Variants in AGTPBP1 observed in about 807,000 individuals in gnomAD.
AGTPBP1 encodes the protein ATP/GTP binding carboxypeptidase 1, also known as cytosolic carboxypeptidase 1.
Under a neutral mutation model 143.9 loss-of-function variants are expected in AGTPBP1, and 70 were observed. That is an observed-to-expected ratio of 0.49 (90% CI 0.40 to 0.59). The LOEUF (loss-of-function observed/expected upper bound fraction) is 0.59. AGTPBP1 is among the 20% of genes least tolerant of loss of function. AGTPBP1 has a pLI of 0.00. For missense variants in AGTPBP1, 1,229 were observed against 1,464.5 expected (o/e 0.84, Z 2.62); for synonymous variants, 463 against 500.2 (o/e 0.93, Z 0.99).
chr9:85,792,825 T>A, the AGTPBP1 span, among the ~76,000 whole-genome samples: 2 of 152,192 alleles, frequency 1.3e-5, no homozygotes, highest in African/African-American at 4.8e-5. Flanking sequence ...GCATCATATA[T>A]GTTTAAGATT....
chr9:85,573,450 G>T (rs1827660471), intron 25 of AGTPBP1, among the ~76,000 whole-genome samples: 1 of 152,120 alleles, frequency 6.6e-6, no homozygotes, highest in African/African-American at 2.4e-5. Context: ...ATCTCGGCCC[G>T]CTACAACCTC....
chr9:85,699,215 C>G (rs939163595), intron 2 of AGTPBP1, among the ~76,000 whole-genome samples: 1 of 152,060 alleles, frequency 6.6e-6, no homozygotes, highest in African/African-American at 2.4e-5. Flanking sequence ...AACTTCTGGG[C>G]TCAAGCGATC....
At chr9:85,779,504 A>G in the AGTPBP1 span, among the ~76,000 whole-genome samples, 1 of 151,978 alleles carries the variant, frequency 6.6e-6, no homozygotes, top group African/African-American at 2.4e-5. Flanking sequence ...TGCCTGCTTT[A>G]TATTCACTGG....
the AGTPBP1 span, among the ~76,000 whole-genome samples, chr9:85,768,337 A>G: frequency 1.3e-5 from 2 of 152,254 alleles, no homozygotes; most frequent in Non-Finnish European, 2.9e-5. Context: ...AAAGTCAAGT[A>G]CAGTAAAGTC....
intron 24 of AGTPBP1, among the ~76,000 whole-genome samples, chr9:85,577,116 A>G (rs1164978941): frequency 6.6e-6 from 1 of 152,138 alleles, no homozygotes; most frequent in African/African-American, 2.4e-5. Context: ...ATCGAAAAAA[A>G]TTTTTAAATT....
chr9:85,778,150 C>G, the AGTPBP1 span, among the ~76,000 whole-genome samples: 1 of 152,098 alleles, frequency 6.6e-6, no homozygotes, highest in Non-Finnish European at 1.5e-5. Flanking sequence ...CCTGCTTGAG[C>G]CTGATCACAT....
At chr9:85,708,243 T>C (rs1383116575) in intron 2 of AGTPBP1, among the ~76,000 whole-genome samples, 3 of 152,152 alleles carry the variant, frequency 2.0e-5, no homozygotes, top group Non-Finnish European at 2.9e-5. Context: ...CTACTGACTC[T>C]GATCCTCTTG....
intron 3 of AGTPBP1, 90 bp downstream of exon 3, chr9:85,692,599 C>T: frequency 6.7e-7 from 1 of 1,490,400 alleles, no homozygotes; most frequent in Non-Finnish European, 9.0e-7. Context: ...TGTGGAAAAT[C>T]ATCCATTATT....
Position 85,741,938 on chromosome 9 carries a change from T to TGGAGGCGGCGGCGGG in AGTPBP1, c.-198_-197insCCCGCCGCCGCCTCC, listed in dbSNP as rs1824341065. The TGGAGGCGGCGGCGGG allele has an allele frequency of 7.7e-7, 1 of 1,304,896 alleles. No individual in the cohort carries two copies. The allele number at this position is 1,304,896 out of a possible 1,614,324, so 80.8% of individuals were successfully genotyped here. On this transcript the variant is annotated 5_prime_UTR_variant, in exon 1 of 26. Transcript: ENST00000357081. ...GCGGCGGCAGCTGCGGCGGCGGCGC[T>TGGAGGCGGCGGCGGG]GGAGGCGGCGGAACCTGTCCGCATC...
the AGTPBP1 span, among the ~76,000 whole-genome samples, chr9:85,752,957 G>A: frequency 2.0e-5 from 3 of 152,076 alleles, no homozygotes; most frequent in Non-Finnish European, 4.4e-5. Context: ...TGAGCTTACA[G>A]TGAGCTATGA....
intron 12 of AGTPBP1, among the ~76,000 whole-genome samples, chr9:85,644,084 T>C (rs186370351): frequency 1.7e-3 from 255 of 152,202 alleles, no homozygotes; most frequent in Middle Eastern, 3.4e-3. Flanking sequence ...AAACATATTA[T>C]GTATTTCTTA....
chr9:85,625,919 T>TTC (rs1188718363), intron 14 of AGTPBP1, among the ~76,000 whole-genome samples: 1 of 149,176 alleles, frequency 6.7e-6, no homozygotes, highest in Non-Finnish European at 1.5e-5. Flanking sequence ...TTTTTTTTTT[T>TTC]TTTTTAGGAT....
chr9:85,789,073 C>G, the AGTPBP1 span, among the ~76,000 whole-genome samples: 1 of 151,014 alleles, frequency 6.6e-6, no homozygotes, highest in South Asian at 2.1e-4. Flanking sequence ...AAATTTATAT[C>G]AAAACAACGA....
At chr9:85,723,171 C>A (rs1838243300) in intron 1 of AGTPBP1, among the ~76,000 whole-genome samples, 1 of 152,232 alleles carries the variant, frequency 6.6e-6, no homozygotes, top group Non-Finnish European at 1.5e-5. Context: ...GTTCTCAGAG[C>A]TCAAACGCCA....
chr9:85,783,203 C>T, the AGTPBP1 span, among the ~76,000 whole-genome samples: 3 of 152,202 alleles, frequency 2.0e-5, no homozygotes, highest in Non-Finnish European at 2.9e-5. Flanking sequence ...GAGAACAACA[C>T]TGTTCTGACC....
At chr9:85,586,259 C>A (rs371787997) in intron 22 of AGTPBP1, among the ~76,000 whole-genome samples, 17 of 151,546 alleles carry the variant, frequency 1.1e-4, no homozygotes, top group Middle Eastern at 3.4e-3. Flanking sequence ...GAAAATGCTC[C>A]TATAAAAAAA....
chr9:85,647,003 C>T (rs1391517786), intron 11 of AGTPBP1, among the ~76,000 whole-genome samples: 6 of 152,056 alleles, frequency 3.9e-5, no homozygotes, highest in East Asian at 1.9e-4. Flanking sequence ...TGAGGTCAGG[C>T]GCAGTGGCTC....
At chr9:85,769,118 G>A in the AGTPBP1 span, among the ~76,000 whole-genome samples, 1 of 151,124 alleles carries the variant, frequency 6.6e-6, no homozygotes, top group African/African-American at 2.4e-5. Flanking sequence ...GGAGTGGAGA[G>A]AAATAACATG....
chr9:85,689,523 T>C (rs573907118), intron 3 of AGTPBP1, among the ~76,000 whole-genome samples: 1 of 152,308 alleles, frequency 6.6e-6, no homozygotes, highest in South Asian at 2.1e-4. Context: ...TTAGGTTGTT[T>C]CTTGAACTTT....
Sources: gnomAD v4.1 joint callset for allele counts (sites outside exome capture counted in the v4.1 genomes callset) on GRCh38, gnomAD v4.1.1 for gene constraint, MANE v1.5 for transcripts, NCBI Gene and HGNC (gene_info 2026-07-23, HGNC 2026-07-21) for gene names.